CENPC: variants seen among roughly 807,000 people sequenced by gnomAD.
CENPC encodes centromere protein C, also known as CENP-C 1.
In CENPC, 63 loss-of-function variants were observed where a neutral mutation model predicts 112.1. The ratio of observed to expected loss-of-function variants is 0.56; its 90% CI spans 0.46 to 0.69. CENPC has a LOEUF of 0.69. Among genes scored for constraint, CENPC ranks in the 30% least tolerant of loss-of-function variants. CENPC has a pLI of 0.00. For missense variants in CENPC, 1,000 were observed against 1,103.8 expected, an observed-to-expected ratio of 0.91 and a Z score of 1.33; for synonymous variants, 333 against 367.6, an observed-to-expected ratio of 0.91 and a Z score of 1.08.
chr4:67,488,133 G>GA (rs1725140838), intron 17 of CENPC, among the ~76,000 whole-genome samples: 1 of 151,518 alleles, frequency 6.6e-6, no homozygotes, highest in Non-Finnish European at 1.5e-5. Flanking sequence ...ATTCTAGTTA[G>GA]AAAAATAGAT....
At chr4:67,513,925 A>T (rs1725970530) in intron 8 of CENPC, 149 bp downstream of exon 8, 3 of 583,962 alleles carry the variant, frequency 5.1e-6, no homozygotes, top group Non-Finnish European at 5.4e-6. Context: ...TATATAAAAT[A>T]AAAAGGTTCT....
Position 67,512,477 on chromosome 4 carries a change from C to A in CENPC, c.1537G>T (p.Val513Leu). The A allele has an allele frequency of 6.3e-7, 1 of 1,596,180 alleles. No homozygotes were observed. Among genetic ancestry groups the A allele is most frequent in the Non-Finnish European group, 8.5e-7 (1 of 1,172,202 alleles). ...ESKNKLVPEE[V>L]TSTVTKSRRI... ...CGACTTTTCGTGACAGTTGAAGTCACTTCTTCAGGTACAAGTTTGTTCTTG... is the reference window on the plus strand; with the variant it reads ...CGACTTTTCGTGACAGTTGAAGTCAATTCTTCAGGTACAAGTTTGTTCTTG... Residue 513 changes from valine to leucine, a missense_variant, in exon 9 of 19, where the codon GTG becomes TTG. Val to Leu is a conservative substitution (Grantham distance 32). Coordinates refer to ENST00000273853, the MANE Select transcript of CENPC (RefSeq NM_001812.4).
rs2109753860 is a variant in CENPC at position 67,471,567 on chromosome 4, G to A, written c.*1038C>T. 1 of 151,772 alleles carries A rather than the reference G, an allele frequency of 6.6e-6. No homozygotes were observed. The highest frequency in any genetic ancestry group is 1.9e-4 in the East Asian group (1 of 5,168). 9.4% of individuals were successfully genotyped at this position (151,772 alleles called of 1,614,324 possible). A position where few individuals can be genotyped will look rare whatever the true frequency, so the allele number is the denominator to read the frequency against. ...AAAAATTAAAAATGACTCAATAAAA[G>A]AGAAATCACAATAGAAAATTATAAA... is the stretch of plus-strand genomic sequence containing the variant. On this transcript the variant is annotated 3_prime_UTR_variant, in exon 19 of 19. Transcript: ENST00000273853.
intron 4 of CENPC, among the ~76,000 whole-genome samples, chr4:67,531,571 T>A (rs1280590828): frequency 3.3e-5 from 5 of 152,232 alleles, no homozygotes; most frequent in Non-Finnish European, 7.3e-5. Context: ...ATCTGCTTTC[T>A]TTCCTTCTGG....
chr4:67,496,861 T>C (rs2632451), intron 12 of CENPC, among the ~76,000 whole-genome samples: 126,724 of 148,438 alleles, frequency 0.85, 54,540 homozygotes, highest in East Asian at 0.93. Context: ...AAGTCTAGCT[T>C]AATAAATCTG....
At chr4:67,512,668 T>C in intron 8 of CENPC, 99 bp from the exon 9 acceptor site, 2 of 810,854 alleles carry the variant, frequency 2.5e-6, no homozygotes, top group Non-Finnish European at 3.7e-6. Context: ...AGGAACTTCT[T>C]AAATTTATCC....
chr4:67,492,148 TTAAG>T (rs1243016232), intron 16 of CENPC, 28 bp downstream of exon 16: 9 of 1,348,528 alleles, frequency 6.7e-6, no homozygotes, highest in Non-Finnish European at 9.3e-6. Flanking sequence ...AATTGTTTAA[TTAAG>T]TATTTTCAGT....
intron 6 of CENPC, among the ~76,000 whole-genome samples, chr4:67,518,883 C>T (rs1444030702): frequency 1.3e-5 from 2 of 151,620 alleles, no homozygotes; most frequent in East Asian, 1.9e-4. Flanking sequence ...GCTCTGCTAC[C>T]CTTGAAGTGA....
intron 16 of CENPC, among the ~76,000 whole-genome samples, chr4:67,490,469 C>A (rs564904003): frequency 6.6e-6 from 1 of 151,974 alleles, no homozygotes; most frequent in Non-Finnish European, 1.5e-5. Context: ...GCAAAAAGTA[C>A]GCACTGTTAG....
chr4:67,495,109 CTT>C (rs1175528930), intron 13 of CENPC, 48 bp downstream of exon 13: 14 of 1,402,762 alleles, frequency 1.0e-5, no homozygotes, highest in Non-Finnish European at 1.2e-5. Flanking sequence ...GAAACAGAAA[CTT>C]AAGGTATTTT....
At chr4:67,505,410 T>C in intron 11 of CENPC, 126 bp from the exon 12 acceptor site, 1 of 629,752 alleles carries the variant, frequency 1.6e-6, no homozygotes, top group Non-Finnish European at 2.8e-6. Context: ...ATAGTGATGT[T>C]ACAAGTCATC....
At chr4:67,491,062 T>C (rs1038913517) in intron 16 of CENPC, among the ~76,000 whole-genome samples, 2 of 151,380 alleles carry the variant, frequency 1.3e-5, no homozygotes, top group African/African-American at 4.8e-5. Context: ...CATATAGAGA[T>C]ACCTTTGCTA....
chr4:67,479,971 A>G (rs756667816), intron 17 of CENPC, among the ~76,000 whole-genome samples: 7 of 152,240 alleles, frequency 4.6e-5, no homozygotes, highest in Non-Finnish European at 8.8e-5. Context: ...GAAACTCTGA[A>G]AAGACCAATA....
rs1207633876 is a variant in CENPC at position 67,469,291 on chromosome 4, A to G, written c.*3314T>C. ...CCTCCTCCAACAAACTTTAAAATAG[A>G]AAAAGATAAAAGGTAACTCTATGCA... On this transcript the variant is annotated 3_prime_UTR_variant, in exon 19 of 19. Coordinates refer to ENST00000273853, the MANE Select transcript of CENPC (RefSeq NM_001812.4). 1 of 152,202 alleles carries G rather than the reference A, an allele frequency of 6.6e-6. No homozygotes were observed. Among genetic ancestry groups the G allele is most frequent in the Non-Finnish European group, 1.5e-5 (1 of 68,046 alleles). 9.4% of individuals were successfully genotyped at this position (152,202 alleles called of 1,614,324 possible).
intron 12 of CENPC, among the ~76,000 whole-genome samples, chr4:67,495,584 C>G (rs981305445): frequency 6.6e-6 from 1 of 152,116 alleles, no homozygotes; most frequent in Non-Finnish European, 1.5e-5. Flanking sequence ...AAACTAAGAA[C>G]TCATGACTGT....
intron 7 of CENPC, among the ~76,000 whole-genome samples, chr4:67,517,279 A>G (rs1412328787): frequency 6.6e-6 from 1 of 151,654 alleles, no homozygotes; most frequent in Non-Finnish European, 1.5e-5. Flanking sequence ...CTCTTACCTC[A>G]GCCTCCCGAA....
Position 67,497,901 on chromosome 4 carries a change from C to T in CENPC, c.2132-2689G>A, listed in dbSNP as rs574037116. On this transcript the variant is annotated intron_variant, in intron 12 of 18. Coordinates refer to ENST00000273853, the MANE Select transcript of CENPC (RefSeq NM_001812.4). Reference sequence around the variant, plus strand: ...CATTATGTCTAAAAAAATCAGTGTACATATACCTTAATTTAAAAATATTTT... The same window carrying T: ...CATTATGTCTAAAAAAATCAGTGTATATATACCTTAATTTAAAAATATTTT... Among the ~76,000 whole-genome samples the T allele has an allele frequency of 2.0e-5, 3 of 151,700 alleles. No homozygotes were observed. The South Asian group carries it at 6.3e-4, about 32-fold the overall frequency.
intron 17 of CENPC, among the ~76,000 whole-genome samples, chr4:67,476,496 C>T (rs1724808360): frequency 7.2e-3 from 1 of 138 alleles, no homozygotes; most frequent in South Asian, 0.12. Context: ...GCAGGAAGAG[C>T]CCTGTTAAGT....
intron 5 of CENPC, among the ~76,000 whole-genome samples, chr4:67,522,946 A>T (rs1433428443): frequency 1.3e-5 from 2 of 151,888 alleles, no homozygotes; most frequent in Non-Finnish European, 1.5e-5. Flanking sequence ...GTTGCAGTGC[A>T]CCAAGATTGT....
Sources: gnomAD v4.1 joint callset for allele counts (sites outside exome capture counted in the v4.1 genomes callset) on GRCh38, gnomAD v4.1.1 for gene constraint, MANE v1.5 for transcripts, NCBI Gene and HGNC (gene_info 2026-07-23, HGNC 2026-07-21) for gene names.